The following B3GNT2 variants were observed in gnomAD, a reference collection of about 807,000 sequenced individuals.
B3GNT2 encodes N-acetyllactosaminide beta-1,3-N-acetylglucosaminyltransferase 2.
Under a neutral mutation model 27.6 loss-of-function variants are expected in B3GNT2, and 12 were observed. The ratio of observed to expected loss-of-function variants is 0.44; its 90% confidence interval spans 0.28 to 0.71. B3GNT2 has a LOEUF of 0.71. B3GNT2 is among the 30% of genes least tolerant of loss of function. The probability of loss-of-function intolerance (pLI) is 0.17; values close to 1 mark genes in which losing one functional copy is unlikely to be tolerated. For synonymous variants in B3GNT2, 192 were observed against 189.7 expected, an observed-to-expected ratio of 1.01 and a Z score of -0.10; for missense variants, 413 against 488.5, an observed-to-expected ratio of 0.85 and a Z score of 1.46.
rs1251620873 is a variant in B3GNT2, at chr2:62,224,572, G to T, written c.*1158G>T. 1 of 166,950 alleles carries T rather than the reference G, an allele frequency of 6.0e-6. No homozygotes were observed. Among genetic ancestry groups the T allele is most frequent in the African/African-American group, 2.4e-5 (1 of 41,400 alleles). 10.3% of individuals were successfully genotyped at this position (166,950 alleles called of 1,614,324 possible). A position where few individuals can be genotyped will look rare whatever the true frequency, so the allele number is the denominator to read the frequency against. ...GAATTTTAAAATTTGTTTTTTGGGG[G>T]TATGAACTACTAGAGTTTAAAATTC... On this transcript the variant is annotated 3_prime_UTR_variant, in exon 2 of 2. Transcript: ENST00000301998.
chr2:62,223,423 C>G lies in B3GNT2; in HGVS notation c.*9C>G. 2 of 1,578,764 alleles carry G rather than the reference C, an allele frequency of 1.3e-6. No individual in the cohort carries two copies. Among genetic ancestry groups the G allele is most frequent in the Non-Finnish European group, 1.7e-6 (2 of 1,156,390 alleles). ...CTCATTTAAAATGCTAAAATAGATACAAACTCAATTTTGCATAGAAAGGTG... is the reference window on the plus strand; with the variant it reads ...CTCATTTAAAATGCTAAAATAGATAGAAACTCAATTTTGCATAGAAAGGTG... On this transcript the variant is annotated 3_prime_UTR_variant, in exon 2 of 2. Coordinates refer to ENST00000301998, the MANE Select transcript of B3GNT2 (RefSeq NM_006577.6).
rs1558637918 is a variant in B3GNT2 at position 62,222,777 on chromosome 2, C to A, written c.557C>A (p.Pro186His). 6.2e-7 allele frequency: 1 copy of A among 1,614,130 alleles called. No individual in the cohort carries two copies. Among genetic ancestry groups the A allele is most frequent in the Admixed American group, 1.7e-5 (1 of 60,016 alleles). ...CGAGTCTTCCTGCTGGGCCAGACACCCCCAGAGGACAACCACCCCGACCTT... is the reference window on the plus strand; with the variant it reads ...CGAGTCTTCCTGCTGGGCCAGACACACCCAGAGGACAACCACCCCGACCTT... ...VVRVFLLGQT[P>H]PEDNHPDLSD... is the part of the protein sequence containing the mutation. Residue 186 changes from proline to histidine, a missense_variant, in exon 2 of 2, where the codon CCC becomes CAC. Physicochemically the swap from Pro to His is moderately conservative, Grantham distance 77 (BLOSUM62 -2). Transcript: ENST00000301998. This position sits in a 1 kb window ranked among gnomAD's most constrained non-coding sequence, Gnocchi z 4.2.
intron 1 of B3GNT2, among the ~76,000 whole-genome samples, chr2:62,220,387 G>C (rs1674667691): frequency 6.6e-6 from 1 of 152,204 alleles, no homozygotes; most frequent in African/African-American, 2.4e-5. Context: ...CTACTAGGCA[G>C]ATCTTTACAG....
chr2:62,200,541 T>C (rs981351090), intron 1 of B3GNT2, among the ~76,000 whole-genome samples: 1 of 152,202 alleles, frequency 6.6e-6, no homozygotes, highest in Non-Finnish European at 1.5e-5. Context: ...GAGCATAAAC[T>C]TGGAGTCCAT....
chr2:62,201,007 G>C (rs1341518709), intron 1 of B3GNT2, among the ~76,000 whole-genome samples: 1 of 152,178 alleles, frequency 6.6e-6, no homozygotes, highest in South Asian at 2.1e-4. Flanking sequence ...CCCTATGTTA[G>C]ATTTACTGGG....
chr2:62,223,121 C>G lies in B3GNT2; in HGVS notation c.901C>G (p.Pro301Ala). Residue 301 changes from proline to alanine, a missense_variant, in exon 2 of 2, where the codon CCA becomes GCA. Physicochemically the swap from Pro to Ala is conservative, Grantham distance 27. Coordinates refer to ENST00000301998, the MANE Select transcript of B3GNT2 (RefSeq NM_006577.6). ...IPEVVYSGLY[P>A]PYAGGGGFLY... The stretch of plus-strand genomic sequence containing the variant: ...AGAAGTTGTTTACTCTGGCCTCTAC[C>G]CACCCTATGCAGGGGGAGGGGGGTT... 2 of 1,614,154 alleles carry G rather than the reference C, an allele frequency of 1.2e-6. No homozygotes were observed. The highest frequency in any genetic ancestry group is 8.5e-7 in the Non-Finnish European group (1 of 1,180,036).
chr2:62,196,880 G>C (rs1041057252), intron 1 of B3GNT2, among the ~76,000 whole-genome samples: 2 of 151,974 alleles, frequency 1.3e-5, no homozygotes, highest in Admixed American at 1.3e-4. Flanking sequence ...CCGGCCTCCC[G>C]TGCCGCATGG....
intron 1 of B3GNT2, among the ~76,000 whole-genome samples, chr2:62,206,461 A>G (rs1349037797): frequency 6.6e-6 from 1 of 152,146 alleles, no homozygotes; most frequent in East Asian, 1.9e-4. Context: ...TGCAGTGGTT[A>G]ATTTGTTTTA....
intron 1 of B3GNT2, among the ~76,000 whole-genome samples, chr2:62,208,991 G>A (rs911994282): frequency 2.6e-5 from 4 of 152,084 alleles, no homozygotes; most frequent in Admixed American, 6.5e-5. Context: ...ACACATTGGC[G>A]CTTTTTTGGT....
intron 1 of B3GNT2, among the ~76,000 whole-genome samples, chr2:62,218,723 C>A (rs1303732985): frequency 2.0e-5 from 3 of 152,204 alleles, no homozygotes; most frequent in Non-Finnish European, 4.4e-5. Context: ...AATCATCAGT[C>A]CCCTCTGAGC....
At chr2:62,207,641 T>C (rs1674401759) in intron 1 of B3GNT2, among the ~76,000 whole-genome samples, 1 of 152,136 alleles carries the variant, frequency 6.6e-6, no homozygotes, top group South Asian at 2.1e-4. Flanking sequence ...GGCGTCAGAT[T>C]CTCGTAAGGA....
intron 1 of B3GNT2, among the ~76,000 whole-genome samples, chr2:62,216,506 A>G (rs980863213): frequency 1.3e-4 from 20 of 151,958 alleles, no homozygotes; most frequent in Non-Finnish European, 2.6e-4. Flanking sequence ...TCTGGGTTCA[A>G]GCAGCCCTCC....
chr2:62,205,873 A>C (rs574610689), intron 1 of B3GNT2: 1 of 154,178 alleles, frequency 6.5e-6, no homozygotes, highest in Non-Finnish European at 1.5e-5. Flanking sequence ...CCTGGGAAGC[A>C]TGGTAGCCAG....
intron 1 of B3GNT2, among the ~76,000 whole-genome samples, chr2:62,207,806 C>T (rs955023024): frequency 6.6e-6 from 1 of 152,194 alleles, no homozygotes; most frequent in East Asian, 1.9e-4. Context: ...GGCCCCGTTC[C>T]TAACAGACCA....
At position 62,223,346 on chromosome 2, in the gene B3GNT2, C is replaced by T; in HGVS notation, c.1126C>T (p.His376Tyr). The T allele has an allele frequency of 6.2e-7, 1 of 1,614,116 alleles. No individual in the cohort carries two copies. The highest frequency in any genetic ancestry group is 8.5e-7 in the Non-Finnish European group (1 of 1,180,002). The change falls in exon 2 of 2, where the codon CAT becomes TAT. Residue 376 changes from histidine to tyrosine, a missense_variant. His to Tyr is a moderately conservative substitution (Grantham distance 83). Coordinates refer to ENST00000301998, the MANE Select transcript of B3GNT2 (RefSeq NM_006577.6). ...CTCCTATGTAGATCTGATGTTAGTACATAGTAGAAAACCTCAAGAGATGAT... is the reference window on the plus strand; with the variant it reads ...CTCCTATGTAGATCTGATGTTAGTATATAGTAGAAAACCTCAAGAGATGAT... Reference protein sequence around the residue: ...ICSYVDLMLVHSRKPQEMIDI... With the variant: ...ICSYVDLMLVYSRKPQEMIDI...
chr2:62,200,475 A>G (rs1046629614), intron 1 of B3GNT2, among the ~76,000 whole-genome samples: 1 of 152,218 alleles, frequency 6.6e-6, no homozygotes, highest in Non-Finnish European at 1.5e-5. Flanking sequence ...CAAGGTAATC[A>G]ATTCTGGCAT....
intron 1 of B3GNT2, among the ~76,000 whole-genome samples, chr2:62,206,221 G>A (rs188277305): frequency 9.2e-5 from 14 of 152,194 alleles, no homozygotes; most frequent in Non-Finnish European, 1.8e-4. Flanking sequence ...CGAGGATGGG[G>A]ATGCCCATTT....
At chr2:62,208,360 T>C (rs967139054) in intron 1 of B3GNT2, among the ~76,000 whole-genome samples, 5 of 152,122 alleles carry the variant, frequency 3.3e-5, no homozygotes, top group Admixed American at 2.6e-4. Flanking sequence ...GTCCAGTAAA[T>C]GTAATTTATG....
chr2:62,223,441 G>A lies in B3GNT2; in HGVS notation c.*27G>A. On this transcript the variant is annotated 3_prime_UTR_variant, in exon 2 of 2. Transcript: ENST00000301998. ...ATAGATACAAACTCAATTTTGCATAGAAAGGTGTATTTTGAATAGTTCCCA... is the reference window on the plus strand; with the variant it reads ...ATAGATACAAACTCAATTTTGCATAAAAAGGTGTATTTTGAATAGTTCCCA... 1 of 1,536,604 alleles carries A rather than the reference G, an allele frequency of 6.5e-7. No homozygotes were observed. Among genetic ancestry groups the A allele is most frequent in the Non-Finnish European group, 8.9e-7 (1 of 1,124,806 alleles).
Sources: allele counts gnomAD v4.1 joint callset (sites outside exome capture counted in the v4.1 genomes callset), GRCh38; gene constraint gnomAD v4.1.1; non-coding constraint Gnocchi (gnomAD v3.1); transcripts MANE v1.5; gene names NCBI Gene and HGNC (gene_info 2026-07-23, HGNC 2026-07-21).